PVT1: variants seen among roughly 807,000 people sequenced by gnomAD.
PVT1 encodes the protein Pvt1 oncogene.
intron 3 of PVT1, among the ~76,000 whole-genome samples, chr8:127,977,847 C>T (rs576342803): frequency 5.9e-5 from 9 of 152,288 alleles, no homozygotes; most frequent in South Asian, 4.1e-4. Flanking sequence ...GTCTGTAAAC[C>T]GCAGTTGTAA....
chr8:127,972,496 T>C (rs1377567229), intron 3 of PVT1, among the ~76,000 whole-genome samples: 3 of 152,138 alleles, frequency 2.0e-5, no homozygotes, highest in Middle Eastern at 3.2e-3. Flanking sequence ...TAGCTGTGCG[T>C]TGGGAGACCG....
chr8:127,905,171 A>T (rs1393778872), intron 3 of PVT1, among the ~76,000 whole-genome samples: 1 of 152,218 alleles, frequency 6.6e-6, no homozygotes, highest in East Asian at 1.9e-4. Context: ...ATCCAACTGG[A>T]CCAGCTTCTG....
At chr8:127,930,778 C>T (rs965849090) in intron 3 of PVT1, among the ~76,000 whole-genome samples, 1 of 152,110 alleles carries the variant, frequency 6.6e-6, no homozygotes, top group South Asian at 2.1e-4. Context: ...TGAGAACCCC[C>T]TTATAGCATA....
intron 2 of PVT1, among the ~76,000 whole-genome samples, chr8:127,873,617 G>A (rs1815375538): frequency 6.6e-6 from 1 of 152,134 alleles, no homozygotes; most frequent in South Asian, 2.1e-4. Flanking sequence ...AAAGGGAGTT[G>A]TTAATTTCTG....
chr8:127,831,039 C>T (rs1814842221), intron 2 of PVT1, among the ~76,000 whole-genome samples: 1 of 130,904 alleles, frequency 7.6e-6, no homozygotes, highest in Admixed American at 8.9e-5. Context: ...TCTTTATATA[C>T]ATACGTGTGT....
At chr8:127,885,185 G>C (rs1324809767) in intron 2 of PVT1, among the ~76,000 whole-genome samples, 1 of 152,074 alleles carries the variant, frequency 6.6e-6, no homozygotes, top group African/African-American at 2.4e-5. Flanking sequence ...TGTAGGAGCC[G>C]AGGAGTGAGT....
At chr8:128,013,360 A>G (rs981249497) in intron 4 of PVT1, among the ~76,000 whole-genome samples, 2 of 149,582 alleles carry the variant, frequency 1.3e-5, no homozygotes, top group Non-Finnish European at 3.0e-5. Flanking sequence ...GTGTGAGTGT[A>G]TAAATGTATG....
At chr8:128,078,777 C>G (rs1197934920) in intron 5 of PVT1, among the ~76,000 whole-genome samples, 2 of 152,130 alleles carry the variant, frequency 1.3e-5, no homozygotes, top group East Asian at 3.8e-4. Flanking sequence ...ATGTGCTATA[C>G]CCCATTTATG....
At chr8:127,896,782 C>CA (rs1010364014) in intron 3 of PVT1, among the ~76,000 whole-genome samples, 3 of 149,568 alleles carry the variant, frequency 2.0e-5, no homozygotes, top group South Asian at 2.2e-4. Flanking sequence ...CCTCCCCCCC[C>CA]CCGCCCCCGA....
At chr8:127,905,301 C>A (rs1815806359) in intron 3 of PVT1, among the ~76,000 whole-genome samples, 1 of 152,202 alleles carries the variant, frequency 6.6e-6, no homozygotes, top group Admixed American at 6.5e-5. Context: ...GAGCTCTCAC[C>A]TGCTCTTTTG....
At chr8:128,003,798 C>T (rs1222973824) in intron 4 of PVT1, among the ~76,000 whole-genome samples, 3 of 152,222 alleles carry the variant, frequency 2.0e-5, no homozygotes, top group Non-Finnish European at 4.4e-5. Context: ...ACAAATTAAT[C>T]AGGCCACCAG....
chr8:127,863,666 G>GACAGATAAAAGA (rs1355023445), intron 2 of PVT1, among the ~76,000 whole-genome samples: 1 of 152,228 alleles, frequency 6.6e-6, no homozygotes, highest in Non-Finnish European at 1.5e-5. Flanking sequence ...TCTCTGCTAA[G>GACAGATAAAAGA]GACAGCGATC....
At chr8:127,980,039 C>A (rs1816865812) in intron 3 of PVT1, among the ~76,000 whole-genome samples, 1 of 145,500 alleles carries the variant, frequency 6.9e-6, no homozygotes, top group East Asian at 1.9e-4. Flanking sequence ...ACCACAGCAT[C>A]CGGCTAATTT....
intron 2 of PVT1, among the ~76,000 whole-genome samples, chr8:127,884,621 A>G (rs1485621260): frequency 6.6e-6 from 1 of 152,238 alleles, no homozygotes; most frequent in East Asian, 1.9e-4. Flanking sequence ...GTTCCACATC[A>G]AAGCCAATTA....
At chr8:127,974,394 T>G (rs191932347) in intron 3 of PVT1, among the ~76,000 whole-genome samples, 135 of 151,306 alleles carry the variant, frequency 8.9e-4, no homozygotes, top group African/African-American at 2.9e-3. Flanking sequence ...AAAGTCAGCA[T>G]CATCATCATC....
chr8:127,947,542 G>A, intron 3 of PVT1: 1 of 363,414 alleles, frequency 2.8e-6, no homozygotes. Flanking sequence ...TGGGCCTCAG[G>A]TTTCTCCCCT....
chr8:127,857,302 A>T (rs976053408), intron 2 of PVT1, among the ~76,000 whole-genome samples: 1 of 150,658 alleles, frequency 6.6e-6, no homozygotes, highest in Non-Finnish European at 1.5e-5. Context: ...GGATACTGAG[A>T]TGAATAAGAC....
chr8:127,805,000 G>A (rs1263269273), intron 2 of PVT1, among the ~76,000 whole-genome samples: 2 of 145,426 alleles, frequency 1.4e-5, no homozygotes, highest in African/African-American at 2.6e-5. Context: ...GCGCGATCTC[G>A]GCTCACTGCA....
At chr8:128,064,234 C>T (rs1295620449) in intron 4 of PVT1, among the ~76,000 whole-genome samples, 3 of 152,216 alleles carry the variant, frequency 2.0e-5, no homozygotes, top group African/African-American at 7.2e-5. Flanking sequence ...GATGCAGTCT[C>T]AGACTGAGTT....
Sources: allele counts gnomAD v4.1 joint callset (sites outside exome capture counted in the v4.1 genomes callset), GRCh38; gene constraint gnomAD v4.1.1; transcripts MANE v1.5; gene names NCBI Gene and HGNC (gene_info 2026-07-23, HGNC 2026-07-21).